The following TJP3 variants were observed in gnomAD, a reference collection of about 807,000 sequenced individuals.
TJP3 encodes tight junction protein 3.
TJP3 carries 85 observed loss-of-function variants against 104.2 expected under a neutral mutation model. The ratio of observed to expected loss-of-function variants is 0.82; its 90% CI spans 0.68 to 0.98. The LOEUF is 0.98. Ranked by LOEUF, TJP3 falls within the 50% of genes least tolerant of loss-of-function variation. TJP3 has a pLI of 0.00. For synonymous variants in TJP3, 550 were observed against 550.6 expected (o/e 1.00, Z 0.02); for missense variants, 1,367 against 1,322.8 (o/e 1.03, Z -0.52).
At chr19:3,732,965 A>T (rs1437120627) in intron 6 of TJP3, among the ~76,000 whole-genome samples, 1 of 151,476 alleles carries the variant, frequency 6.6e-6, no homozygotes, top group Non-Finnish European at 1.5e-5. Flanking sequence ...TCTTTCTAGG[A>T]ATTGTGTGTT....
chr19:3,750,547 C>G (rs993731002), intron 20 of TJP3, 35 bp from the exon 21 acceptor site: 17 of 1,535,646 alleles, frequency 1.1e-5, no homozygotes, highest in Admixed American at 7.6e-5. Flanking sequence ...ACACCCTTCC[C>G]ACCCACAGCA....
chr19:3,740,627 T>C lies in TJP3; in HGVS notation c.1707T>C (p.Asn569=), dbSNP rs2145696770. ...GVGPGSSAGS[N]ARAEFWRLRG... ...GGCCCGGCTCCTCCGCGGGCTCCAA[T>C]GCTCGGGCCGAGTTCTGGCGGCTGC... The change falls in exon 14 of 21, where the codon AAT becomes AAC. Residue 569 remains asparagine, a synonymous_variant. Coordinates refer to ENST00000541714, the MANE Select transcript of TJP3 (RefSeq NM_001267560.2). 1.3e-6 allele frequency: 2 copies of C among 1,591,354 alleles called. No homozygotes were observed. Among genetic ancestry groups the C allele is most frequent in the Middle Eastern group, 2.0e-4 (1 of 5,110 alleles).
chr19:3,746,421 T>C lies in TJP3; in HGVS notation c.2011-64T>C. The C allele has an allele frequency of 6.4e-7, 1 of 1,554,106 alleles. No individual in the cohort carries two copies. Among genetic ancestry groups the C allele is most frequent in the Non-Finnish European group, 8.8e-7 (1 of 1,134,082 alleles). On this transcript the variant is annotated intron_variant, in intron 16 of 20. Transcript: ENST00000541714. The surrounding 1 kb of genome is among the most constrained non-coding windows in gnomAD (Gnocchi z 4.1). The stretch of plus-strand genomic sequence containing the variant: ...TGACCTCAGACTCTTCATCTTTCTA[T>C]CTTTCTCTCTCTGTTTACCCTGCTG...
Position 3,750,727 on chromosome 19 carries a change from C to G in TJP3, c.*43C>G, listed in dbSNP as rs1474105131. ...GCTGGTCCGTCCTCCTTCTCCCTCC[C>G]TGGGGCTGGGACTCAGTTTCCCATA... On this transcript the variant is annotated 3_prime_UTR_variant, in exon 21 of 21. Coordinates refer to ENST00000541714, the MANE Select transcript of TJP3 (RefSeq NM_001267560.2). The G allele has an allele frequency of 6.6e-6, 10 of 1,505,816 alleles. No individual in the cohort carries two copies. In the Admixed American group the frequency reaches 1.7e-4, roughly 26 times the overall value. The allele number at this position is 1,505,816 out of a possible 1,614,324, so 93.3% of individuals were successfully genotyped here.
chr19:3,735,113 G>A (rs1178778017), intron 8 of TJP3, among the ~76,000 whole-genome samples: 1 of 151,856 alleles, frequency 6.6e-6, no homozygotes, highest in East Asian at 1.9e-4. Context: ...CATTTGGCCT[G>A]CCTCAGCCTC....
chr19:3,733,673 T>C (rs756965288), intron 6 of TJP3, 80 bp from the exon 7 acceptor site: 60 of 1,574,630 alleles, frequency 3.8e-5, no homozygotes, highest in Non-Finnish European at 5.0e-5. Context: ...CTGTTTCAAG[T>C]TCCCCCACAC....
chr19:3,750,406 G>A (rs1050668347), intron 20 of TJP3, among the ~76,000 whole-genome samples, 176 bp from the exon 21 acceptor site: 1 of 152,164 alleles, frequency 6.6e-6, no homozygotes, highest in Non-Finnish European at 1.5e-5. Context: ...GCAGGATATT[G>A]CAGCTGGGGC....
intron 5 of TJP3, among the ~76,000 whole-genome samples, 181 bp from the exon 6 acceptor site, chr19:3,731,754 C>A (rs181765560): frequency 1.3e-5 from 2 of 152,328 alleles, no homozygotes; most frequent in East Asian, 3.9e-4. Context: ...GTCCCCGCCC[C>A]GTGGAGATGT....
chr19:3,725,723 G>A (rs190803944), intron 1 of TJP3, among the ~76,000 whole-genome samples: 163 of 151,316 alleles, frequency 1.1e-3, no homozygotes, highest in Middle Eastern at 3.5e-3. Flanking sequence ...TACACAAGGA[G>A]AAAGTCATTA....
rs188181393 is a variant in TJP3 at position 3,737,727 on chromosome 19, G to T, written c.1285-828G>T. Among the ~76,000 whole-genome samples, 150 of 152,260 alleles carry T rather than the reference G, an allele frequency of 9.9e-4. 2 individuals carry two copies. Among genetic ancestry groups the T allele is most frequent in the African/African-American group, 3.5e-3 (144 of 41,550 alleles). On this transcript the variant is annotated intron_variant, in intron 11 of 20. Transcript: ENST00000541714. ...CACTTTCCATGTCATAAGCCCACTG[G>T]CTGGGTGAAAACTTGATGCCAAATT...
At chr19:3,745,946 A>G in intron 15 of TJP3, 65 bp from the exon 16 acceptor site, 3 of 1,351,154 alleles carry the variant, frequency 2.2e-6, no homozygotes, top group Non-Finnish European at 3.1e-6. Context: ...AGGGGCAGGT[A>G]GGCATGAATT....
intron 15 of TJP3, 61 bp downstream of exon 15, chr19:3,744,095 T>TG (rs1197143588): frequency 2.6e-6 from 4 of 1,519,702 alleles, no homozygotes; most frequent in Non-Finnish European, 3.6e-6. Flanking sequence ...TGTTTTTTTG[T>TG]GGGGGGTCGG....
intron 5 of TJP3, among the ~76,000 whole-genome samples, chr19:3,731,112 G>C (rs896308483): frequency 2.0e-5 from 3 of 152,152 alleles, no homozygotes; most frequent in South Asian, 4.1e-4. Flanking sequence ...CTTTCTCTCT[G>C]AACCTGGTGG....
rs201712556 is a variant in TJP3 at position 3,736,334 on chromosome 19, C to T, written c.1284+13C>T. The T allele has an allele frequency of 1.8e-4, 266 of 1,516,824 alleles. 3 individuals carry two copies. In the East Asian group the frequency reaches 5.6e-3, roughly 32 times the overall value. The allele number at this position is 1,516,824 out of a possible 1,614,324, so 94.0% of individuals were successfully genotyped here. On this transcript the variant is annotated intron_variant, in intron 11 of 20. Transcript: ENST00000541714. Reference sequence around the variant, plus strand: ...TCAGATTCTGCAGGTGCTCCGGGGGCGGCTGGCCAGCCCCACTGATCATGG... The same window carrying T: ...TCAGATTCTGCAGGTGCTCCGGGGGTGGCTGGCCAGCCCCACTGATCATGG...
In TJP3 at chr19:3,737,711, T is replaced by C. The variant is rs534298746; in HGVS notation, c.1285-844T>C. Among the ~76,000 whole-genome samples, 5 of 152,310 alleles carry C rather than the reference T, an allele frequency of 3.3e-5. No homozygotes were observed. In the East Asian group the frequency reaches 9.6e-4, roughly 29 times the overall value. ...TGGAGTCACAGCTCCCCACTTTCCATGTCATAAGCCCACTGGCTGGGTGAA... is the reference window on the plus strand; with the variant it reads ...TGGAGTCACAGCTCCCCACTTTCCACGTCATAAGCCCACTGGCTGGGTGAA... On this transcript the variant is annotated intron_variant, in intron 11 of 20. Coordinates refer to ENST00000541714, the MANE Select transcript of TJP3 (RefSeq NM_001267560.2).
At position 3,750,639 on chromosome 19, in the gene TJP3, C is replaced by A; in HGVS notation, c.2715C>A (p.Ser905=). The change falls in exon 21 of 21, where the codon TCC becomes TCA. Residue 905 remains serine, a synonymous_variant. Coordinates refer to ENST00000541714, the MANE Select transcript of TJP3 (RefSeq NM_001267560.2). The part of the protein sequence containing the change: ...KKFMRVHDAE[S]SDEDGYDWGP... ...TTATGCGAGTACATGATGCGGAGTC[C>A]TCCGATGAAGACGGCTATGACTGGG... The A allele has an allele frequency of 6.2e-7, 1 of 1,608,686 alleles. No homozygotes were observed. Among genetic ancestry groups the A allele is most frequent in the African/African-American group, 1.3e-5 (1 of 74,968 alleles).
chr19:3,742,973 AT>A (rs1190819910), intron 14 of TJP3, among the ~76,000 whole-genome samples: 1 of 150,568 alleles, frequency 6.6e-6, no homozygotes, highest in African/African-American at 2.4e-5. Flanking sequence ...TCTCAAAAAA[AT>A]AAGTAAATAG....
At chr19:3,723,751 TC>T (rs1286440510) in intron 1 of TJP3, among the ~76,000 whole-genome samples, 1 of 147,936 alleles carries the variant, frequency 6.8e-6, no homozygotes, top group Non-Finnish European at 1.5e-5. Context: ...TGAGATTGTG[TC>T]ACTACACTCC....
chr19:3,747,886 C>T lies in TJP3; in HGVS notation c.2415C>T (p.Ser805=), dbSNP rs1412261409. The change falls in exon 19 of 21, where the codon AGC becomes AGT. Residue 805 remains serine (S), a synonymous_variant. Transcript: ENST00000541714. The stretch of plus-strand genomic sequence containing the variant: ...TCAGCTGCGACAGCCGCGTTAACAG[C>T]GACTACGAGACGGACGGCGAGGGCG... The part of the protein sequence containing the change: ...ADLSCDSRVN[S]DYETDGEGGA... 1.2e-5 allele frequency: 19 copies of T among 1,613,180 alleles called. No individual in the cohort carries two copies. Among genetic ancestry groups the T allele is most frequent in the South Asian group, 4.4e-5 (4 of 91,058 alleles).
Sources: allele counts gnomAD v4.1 joint callset (sites outside exome capture counted in the v4.1 genomes callset), GRCh38; gene constraint gnomAD v4.1.1; non-coding constraint Gnocchi (gnomAD v3.1); transcripts MANE v1.5; gene names NCBI Gene and HGNC (gene_info 2026-07-23, HGNC 2026-07-21).